Variants in AKAP19 observed in about 807,000 individuals in gnomAD.
AKAP19 encodes small A-kinase anchoring protein.
At chr2:189,899,641 A>G in the AKAP19 span, among the ~76,000 whole-genome samples, 16 of 152,144 alleles carry the variant, frequency 1.1e-4, no homozygotes, top group Non-Finnish European at 1.5e-5. Context: ...GCATACATAA[A>G]TGTGTGTTTT....
chr2:190,201,287 T>C, the AKAP19 span: 1 of 166,836 alleles, frequency 6.0e-6, no homozygotes, highest in African/African-American at 2.4e-5. Flanking sequence ...CCTTTTTGTT[T>C]TAAAGGATTA....
At chr2:189,942,006 G>A in the AKAP19 span, among the ~76,000 whole-genome samples, 1 of 152,066 alleles carries the variant, frequency 6.6e-6, no homozygotes, top group African/African-American at 2.4e-5. Flanking sequence ...AAAAAGAGCA[G>A]GGGGAGCTAA....
At chr2:190,143,221 T>A in the AKAP19 span, among the ~76,000 whole-genome samples, 2 of 149,118 alleles carry the variant, frequency 1.3e-5, no homozygotes, top group African/African-American at 4.9e-5. Context: ...AACTGCTGCC[T>A]GGAGTTTTTT....
chr2:189,951,813 C>T, the AKAP19 span, among the ~76,000 whole-genome samples: 3 of 152,182 alleles, frequency 2.0e-5, no homozygotes, highest in Non-Finnish European at 4.4e-5. Flanking sequence ...TTATTTTGAG[C>T]TGAAGGCACT....
the AKAP19 span, among the ~76,000 whole-genome samples, chr2:190,106,382 G>A: frequency 6.6e-6 from 1 of 152,140 alleles, no homozygotes; most frequent in Non-Finnish European, 1.5e-5. Flanking sequence ...TCTACCTTAA[G>A]AAAATCTCTT....
chr2:189,987,003 G>T, the AKAP19 span, among the ~76,000 whole-genome samples: 1 of 152,056 alleles, frequency 6.6e-6, no homozygotes, highest in Non-Finnish European at 1.5e-5. Context: ...AAAAAACCCC[G>T]TAAAACTTTG....
At chr2:190,025,947 C>T in the AKAP19 span, among the ~76,000 whole-genome samples, 1 of 152,032 alleles carries the variant, frequency 6.6e-6, no homozygotes, top group Non-Finnish European at 1.5e-5. Context: ...TATATTTACC[C>T]CAAGCAAGAC....
chr2:190,009,520 G>T, the AKAP19 span, among the ~76,000 whole-genome samples: 1 of 152,178 alleles, frequency 6.6e-6, no homozygotes, highest in Non-Finnish European at 1.5e-5. Flanking sequence ...AAATGGAGTT[G>T]CTATCAACTG....
chr2:190,069,049 A>G, the AKAP19 span, among the ~76,000 whole-genome samples: 1 of 151,998 alleles, frequency 6.6e-6, no homozygotes, highest in Non-Finnish European at 1.5e-5. Flanking sequence ...CCCTTCCCCA[A>G]CATAGGTTCA....
At chr2:189,946,565 A>T in the AKAP19 span, among the ~76,000 whole-genome samples, 3 of 152,214 alleles carry the variant, frequency 2.0e-5, no homozygotes, top group Non-Finnish European at 4.4e-5. Context: ...GAAAAATAAT[A>T]TGATTTTTAG....
the AKAP19 span, among the ~76,000 whole-genome samples, chr2:190,094,950 C>T: frequency 3.3e-5 from 5 of 152,220 alleles, no homozygotes; most frequent in African/African-American, 9.6e-5. Flanking sequence ...ATAGGCCGGG[C>T]GCGGTGGCTC....
the AKAP19 span, among the ~76,000 whole-genome samples, chr2:190,116,608 T>C: frequency 6.6e-6 from 1 of 152,154 alleles, no homozygotes; most frequent in Admixed American, 6.5e-5. Flanking sequence ...CCATTTTCTG[T>C]CTACATTGGG....
At chr2:189,985,891 A>G in the AKAP19 span, among the ~76,000 whole-genome samples, 2 of 152,260 alleles carry the variant, frequency 1.3e-5, no homozygotes, top group Non-Finnish European at 2.9e-5. Flanking sequence ...ATGTAGGTAA[A>G]TCTAAACAAA....
chr2:189,985,541 A>C, the AKAP19 span, among the ~76,000 whole-genome samples: 1 of 152,196 alleles, frequency 6.6e-6, no homozygotes, highest in South Asian at 2.1e-4. Context: ...AGAACCTGAG[A>C]GTGGCCTCTA....
chr2:190,062,670 GC>G, the AKAP19 span: 1 of 1,468,878 alleles, frequency 6.8e-7, no homozygotes, highest in African/African-American at 1.4e-5. Context: ...TTTGAGTAAT[GC>G]CAAGCAAAAT....
chr2:190,124,840 T>A, the AKAP19 span, among the ~76,000 whole-genome samples: 1 of 152,154 alleles, frequency 6.6e-6, no homozygotes, highest in Non-Finnish European at 1.5e-5. Context: ...CTTTATGCCC[T>A]TACTCTATAA....
chr2:190,058,498 A>G, the AKAP19 span, among the ~76,000 whole-genome samples: 4 of 152,034 alleles, frequency 2.6e-5, no homozygotes, highest in African/African-American at 9.7e-5. Flanking sequence ...AAAGTAGCAT[A>G]TATAAAGGAA....
chr2:189,966,330 T>G, the AKAP19 span, among the ~76,000 whole-genome samples: 1 of 152,002 alleles, frequency 6.6e-6, no homozygotes, highest in African/African-American at 2.4e-5. Context: ...CCCCAAAACC[T>G]ATGGAAATAA....
chr2:190,173,090 C>T, the AKAP19 span, among the ~76,000 whole-genome samples: 5 of 144,730 alleles, frequency 3.5e-5, no homozygotes, highest in East Asian at 8.2e-4. Context: ...ACTCCAGCCT[C>T]GGTGACAAAG....
Sources: allele counts gnomAD v4.1 joint callset (sites outside exome capture counted in the v4.1 genomes callset), GRCh38; gene constraint gnomAD v4.1.1; transcripts MANE v1.5; gene names NCBI Gene and HGNC (gene_info 2026-07-23, HGNC 2026-07-21).